TENM2: variants seen among roughly 807,000 people sequenced by gnomAD.
TENM2 encodes teneurin-2.
In TENM2, 52 loss-of-function variants were observed where a neutral mutation model predicts 245.2. That is an observed-to-expected ratio of 0.21 (90% CI 0.17 to 0.27). The LOEUF (loss-of-function observed/expected upper bound fraction) is 0.27, where lower values mean the gene tolerates loss of function less well. Ranked by LOEUF, TENM2 falls within the 10% of genes least tolerant of loss-of-function variation. The pLI, the probability that TENM2 is intolerant of heterozygous loss-of-function variation, is 1.00. For missense variants in TENM2, 3,046 were observed against 3,666.8 expected (o/e 0.83, Z 4.37); for synonymous variants, 1,363 against 1,438.9 (o/e 0.95, Z 1.19).
At chr5:167,845,429 A>G (rs756538212) in intron 2 of TENM2, among the ~76,000 whole-genome samples, 6 of 152,160 alleles carry the variant, frequency 3.9e-5, no homozygotes, top group Non-Finnish European at 7.3e-5. Flanking sequence ...CACCTTCATT[A>G]ATGTCGCAGC....
At chr5:167,551,956 C>T (rs1772975376) in intron 2 of TENM2, among the ~76,000 whole-genome samples, 2 of 152,176 alleles carry the variant, frequency 1.3e-5, no homozygotes, top group Admixed American at 6.5e-5. Flanking sequence ...GCCAGGCAGT[C>T]ACAGAAGTTA....
chr5:168,189,516 T>C (rs1157963359), intron 13 of TENM2, among the ~76,000 whole-genome samples: 1 of 152,170 alleles, frequency 6.6e-6, no homozygotes, highest in Non-Finnish European at 1.5e-5. Flanking sequence ...GGCAAGTGCA[T>C]AATAATGTTC....
At chr5:168,183,498 T>C (rs1210222684) in intron 13 of TENM2, among the ~76,000 whole-genome samples, 5 of 152,192 alleles carry the variant, frequency 3.3e-5, no homozygotes, top group African/African-American at 1.2e-4. Context: ...TCCCCCTTTT[T>C]ACTCAGGAAA....
chr5:167,999,082 T>A (rs1447145081), intron 5 of TENM2, among the ~76,000 whole-genome samples: 2 of 152,180 alleles, frequency 1.3e-5, no homozygotes, highest in East Asian at 3.9e-4. Context: ...ATGGTACACT[T>A]GCCTGGCATC....
At chr5:167,246,352 C>T in the TENM2 span, among the ~76,000 whole-genome samples, 1 of 151,904 alleles carries the variant, frequency 6.6e-6, no homozygotes, top group Non-Finnish European at 1.5e-5. Context: ...CATAAAATGG[C>T]CACAGGTATC....
intron 2 of TENM2, among the ~76,000 whole-genome samples, chr5:167,588,975 C>T (rs565142833): frequency 1.3e-5 from 2 of 152,180 alleles, no homozygotes; most frequent in African/African-American, 4.8e-5. Context: ...CTGAGGTGGG[C>T]GGATCCCTTA....
chr5:168,198,902 C>A, exon 16 of TENM2: 1 of 1,613,990 alleles, frequency 6.2e-7, no homozygotes, highest in South Asian at 1.1e-5. Context: ...ACACTTTGAG[C>A]GAGCCCCGTT....
chr5:167,316,308 C>T (rs1756360368), intron 1 of TENM2, among the ~76,000 whole-genome samples: 1 of 152,122 alleles, frequency 6.6e-6, no homozygotes, highest in Non-Finnish European at 1.5e-5. Context: ...TGAAAGATCA[C>T]CAATGGATAA....
intron 2 of TENM2, among the ~76,000 whole-genome samples, chr5:167,775,158 G>A (rs1371884631): frequency 6.6e-6 from 1 of 152,066 alleles, no homozygotes; most frequent in African/African-American, 2.4e-5. Context: ...AGTAGAGACG[G>A]GGTTTCTCCA....
chr5:167,463,077 G>A (rs1766424110), intron 2 of TENM2, among the ~76,000 whole-genome samples: 1 of 152,082 alleles, frequency 6.6e-6, no homozygotes, highest in African/African-American at 2.4e-5. Flanking sequence ...TCATGGAAAT[G>A]TAAGTAGAGA....
intron 3 of TENM2, among the ~76,000 whole-genome samples, chr5:167,889,095 C>CA (rs1561900071): frequency 1.3e-5 from 2 of 151,988 alleles, no homozygotes; most frequent in African/African-American, 4.8e-5. Context: ...CAAAACAAAA[C>CA]AAACAAAAAA....
intron 13 of TENM2, 28 bp from the exon 16 acceptor site, chr5:168,190,309 G>T: frequency 6.3e-7 from 1 of 1,586,574 alleles, no homozygotes. Context: ...GAAATCTGCT[G>T]ACTCTGGCTC....
chr5:167,965,737 A>G (rs1054878719), intron 4 of TENM2, among the ~76,000 whole-genome samples: 4 of 152,158 alleles, frequency 2.6e-5, no homozygotes, highest in Non-Finnish European at 5.9e-5. Context: ...GCTCTTTGTT[A>G]GGTATATGTT....
At chr5:167,223,987 T>G in the TENM2 span, among the ~76,000 whole-genome samples, 3 of 152,204 alleles carry the variant, frequency 2.0e-5, no homozygotes, top group African/African-American at 4.8e-5. Flanking sequence ...TTTGTATGCC[T>G]CCTATTGAGA....
At chr5:167,347,730 T>G (rs985823238) in intron 1 of TENM2, among the ~76,000 whole-genome samples, 1 of 152,172 alleles carries the variant, frequency 6.6e-6, no homozygotes, top group African/African-American at 2.4e-5. Flanking sequence ...TCCTTTTTTC[T>G]TCCTCCTCCT....
intron 2 of TENM2, among the ~76,000 whole-genome samples, chr5:167,579,207 GA>G (rs1239556880): frequency 6.6e-6 from 1 of 152,014 alleles, no homozygotes; most frequent in Non-Finnish European, 1.5e-5. Context: ...ACAATGGAAG[GA>G]AAAAAATAGA....
chr5:167,920,572 G>T (rs552323092), intron 3 of TENM2, among the ~76,000 whole-genome samples: 1 of 150,246 alleles, frequency 6.7e-6, no homozygotes, highest in African/African-American at 2.5e-5. Flanking sequence ...GCATGGGCAA[G>T]GTACTATTGT....
chr5:167,580,296 C>T (rs1281539500), intron 2 of TENM2, among the ~76,000 whole-genome samples: 1 of 152,204 alleles, frequency 6.6e-6, no homozygotes, highest in Non-Finnish European at 1.5e-5. Context: ...GTAGAAAAAT[C>T]TGGTTTTTGT....
intron 13 of TENM2, 144 bp from the exon 16 acceptor site, chr5:168,190,193 G>A: frequency 1.7e-6 from 1 of 595,568 alleles, no homozygotes; most frequent in Non-Finnish European, 3.0e-6. Context: ...ATTGGATGAG[G>A]CTTGCTGTGT....
Sources: gnomAD v4.1 joint callset for allele counts (sites outside exome capture counted in the v4.1 genomes callset) on GRCh38, gnomAD v4.1.1 for gene constraint, MANE v1.5 for transcripts, NCBI Gene and HGNC (gene_info 2026-07-23, HGNC 2026-07-21) for gene names.